The following EPS15 variants were observed in gnomAD, a reference collection of about 807,000 sequenced individuals.
EPS15 encodes the protein epidermal growth factor receptor pathway substrate 15.
EPS15 carries 72 observed loss-of-function variants against 113.8 expected under a neutral mutation model. That is an observed-to-expected ratio of 0.63 (90% CI 0.52 to 0.77). The LOEUF (loss-of-function observed/expected upper bound fraction) is 0.77. Among genes scored for constraint, EPS15 ranks in the 30% least tolerant of loss-of-function variants. The pLI, the probability that EPS15 is intolerant of heterozygous loss-of-function variation, is 0.00. For missense variants in EPS15, 1,048 were observed against 1,045.8 expected (o/e 1.00, Z -0.03); for synonymous variants, 344 against 363.4 (o/e 0.95, Z 0.61).
rs1652887021 is a variant in EPS15, at chr1:51,444,930, G to A, written c.913C>T (p.Pro305Ser). Residue 305 changes from proline (P) to serine (S), a missense_variant, in exon 11 of 25, where the codon CCT (proline) becomes TCT (serine). Pro to Ser is a moderately conservative substitution (Grantham distance 74). Transcript: ENST00000371733. Reference protein sequence around the residue: ...KGIDPPHVLTPEMIPPSDRAS... With the variant: ...KGIDPPHVLTSEMIPPSDRAS... ...CTGTCTGATGGTGGAATCATTTCAGGAGTAAGAACGTGAGGAGGATCAATG... is the reference window on the plus strand; with the variant it reads ...CTGTCTGATGGTGGAATCATTTCAGAAGTAAGAACGTGAGGAGGATCAATG... The A allele has an allele frequency of 1.9e-6, 3 of 1,613,936 alleles. No homozygotes were observed. In the South Asian group the frequency reaches 3.3e-5, roughly 18 times the overall value.
rs1164555195 is a variant in EPS15, at chr1:51,405,772, C to CTG, written c.1677+131_1677+132dup. 1.4e-5 allele frequency: 10 copies of CTG among 715,824 alleles called. No homozygotes were observed. The African/African-American group carries it at 1.6e-4, about 11-fold the overall frequency. 44.3% of individuals were successfully genotyped at this position (715,824 alleles called of 1,614,324 possible). A position where few individuals can be genotyped will look rare whatever the true frequency, so the allele number is the denominator to read the frequency against. ...GTACAATTGTTTGGATTAGGACTCT[C>CTG]TGCTTCTAAAAAGGAAATCTCAATT... On this transcript the variant is annotated intron_variant, in intron 16 of 24. Coordinates refer to ENST00000371733, the MANE Select transcript of EPS15 (RefSeq NM_001981.3).
rs368627509 is a variant in EPS15, at chr1:51,515,485, A to C, written c.33+3714T>G. 9.1e-4 allele frequency among the ~76,000 whole-genome samples: 138 copies of C among 151,954 alleles called. 1 individual carries two copies. In the East Asian group the frequency reaches 0.012, roughly 13 times the overall value. On this transcript the variant is annotated intron_variant, in intron 1 of 24. Coordinates refer to ENST00000371733, the MANE Select transcript of EPS15 (RefSeq NM_001981.3). Reference sequence around the variant, plus strand: ...TGATCCTGTCTCAAAACAAAACAAAAAAAAAAAAAAATTCTTGCTAAACTA... The same window carrying C: ...TGATCCTGTCTCAAAACAAAACAAACAAAAAAAAAAATTCTTGCTAAACTA...
intron 8 of EPS15, among the ~76,000 whole-genome samples, chr1:51,456,792 A>C (rs1229858748): frequency 6.6e-6 from 1 of 152,242 alleles, no homozygotes; most frequent in African/African-American, 2.4e-5. Context: ...AATTTTTAAA[A>C]AGAGTACAGA....
chr1:51,410,818 T>C (rs1557442471), intron 13 of EPS15, among the ~76,000 whole-genome samples: 3 of 152,244 alleles, frequency 2.0e-5, no homozygotes, highest in South Asian at 2.1e-4. Flanking sequence ...TTACACAAGA[T>C]AGCACCATTA....
At chr1:51,441,754 GA>G in intron 11 of EPS15, among the ~76,000 whole-genome samples, 1 of 152,234 alleles carries the variant, frequency 6.6e-6, no homozygotes, top group Middle Eastern at 3.4e-3. Flanking sequence ...TCTTAGAACT[GA>G]AGAAACAGAT....
intron 1 of EPS15, among the ~76,000 whole-genome samples, chr1:51,508,304 A>C (rs58622883): frequency 4.1e-5 from 5 of 122,590 alleles, no homozygotes; most frequent in Admixed American, 3.9e-4. Context: ...GAGAGAGAGA[A>C]AGAGAGAAAG....
At chr1:51,422,046 TAA>T (rs11330309) in intron 12 of EPS15, 188 bp from the exon 13 acceptor site, 13 of 1,177,570 alleles carry the variant, frequency 1.1e-5, no homozygotes, top group African/African-American at 6.3e-5. Flanking sequence ...GCTCCATTTG[TAA>T]AAAAAAAATT....
chr1:51,437,269 T>C (rs115991917), intron 12 of EPS15, among the ~76,000 whole-genome samples: 4,855 of 152,164 alleles, frequency 0.032, 127 homozygotes, highest in Non-Finnish European at 0.05. Context: ...GCTTTCAATA[T>C]TTCCATTGGT....
At chr1:51,474,482 A>T (rs2148514590) in intron 2 of EPS15, among the ~76,000 whole-genome samples, 1 of 152,326 alleles carries the variant, frequency 6.6e-6, no homozygotes, top group Middle Eastern at 3.4e-3. Context: ...GCAGACTTCT[A>T]ATCCGAGATT....
chr1:51,503,204 C>G (rs985545515), intron 1 of EPS15, among the ~76,000 whole-genome samples: 1 of 152,110 alleles, frequency 6.6e-6, no homozygotes, highest in Non-Finnish European at 1.5e-5. Flanking sequence ...TAAGATAATA[C>G]TCCCCAAACT....
Position 51,440,423 on chromosome 1 carries a change from CT to C in EPS15, c.963del (p.Ile321MetfsTer15). On this transcript the variant is annotated frameshift_variant, in exon 12 of 25. Transcript: ENST00000371733. LOFTEE classifies it high-confidence loss of function. Reference sequence around the variant, plus strand: ...GAGAAATCTGCAACAGGACTTGATCCTATGATGTTCTAAAAACAAAAAGTTC... The same window carrying C: ...GAGAAATCTGCAACAGGACTTGATCCATGATGTTCTAAAAACAAAAAGTTC... ...SDRASLQKNI[I>X]GSSPVADFSA... The C allele has an allele frequency of 6.4e-7, 1 of 1,555,050 alleles. No individual in the cohort carries two copies. The highest frequency in any genetic ancestry group is 8.8e-7 in the Non-Finnish European group (1 of 1,140,206).
intron 2 of EPS15, among the ~76,000 whole-genome samples, chr1:51,480,029 TAGA>T (rs1643991089): frequency 6.6e-6 from 1 of 152,194 alleles, no homozygotes; most frequent in African/African-American, 2.4e-5. Context: ...AGCCTTAAGA[TAGA>T]AGAACAAATG....
At chr1:51,469,945 A>C (rs1655122105) in intron 4 of EPS15, among the ~76,000 whole-genome samples, 1 of 151,822 alleles carries the variant, frequency 6.6e-6, no homozygotes, top group African/African-American at 2.4e-5. Context: ...CTCCTCCACC[A>C]AACAGCTTCA....
intron 1 of EPS15, among the ~76,000 whole-genome samples, chr1:51,482,372 T>C (rs1343605731): frequency 1.3e-5 from 2 of 151,958 alleles, no homozygotes; most frequent in Non-Finnish European, 2.9e-5. Flanking sequence ...GAAAACTCAG[T>C]TATGTCTAAA....
intron 13 of EPS15, among the ~76,000 whole-genome samples, chr1:51,419,684 C>T (rs1483630283): frequency 2.0e-5 from 3 of 152,042 alleles, no homozygotes; most frequent in Non-Finnish European, 4.4e-5. Context: ...AGTGAGTTGC[C>T]TTTTGCCAGG....
intron 12 of EPS15, among the ~76,000 whole-genome samples, chr1:51,432,338 G>GTATC (rs1651803284): frequency 1.4e-5 from 2 of 144,326 alleles, no homozygotes; most frequent in Non-Finnish European, 3.0e-5. Flanking sequence ...ATGTATGTAT[G>GTATC]TATGTATGTA....
At position 51,356,559 on chromosome 1, in the gene EPS15, AT is replaced by A; in HGVS notation, c.*140del. ...AATCTGTAATGAAGAAAAAAAAAAA[AT>A]CCTAAAATTTTGTCACATTTACAGG... On this transcript the variant is annotated 3_prime_UTR_variant, in exon 25 of 25. Coordinates refer to ENST00000371733, the MANE Select transcript of EPS15 (RefSeq NM_001981.3). 4 of 674,690 alleles carry A rather than the reference AT, an allele frequency of 5.9e-6. No homozygotes were observed. Among genetic ancestry groups the A allele is most frequent in the South Asian group, 2.8e-5 (1 of 36,196 alleles). The allele number at this position is 674,690 out of a possible 1,614,324, so 41.8% of individuals were successfully genotyped here.
intron 8 of EPS15, chr1:51,458,534 C>T (rs1407900009): frequency 1.1e-5 from 5 of 444,764 alleles, no homozygotes; most frequent in Admixed American, 2.4e-5. Flanking sequence ...ATCAGGAGCT[C>T]GAGACCAGTC....
At chr1:51,361,792 T>C (rs1570076272) in intron 23 of EPS15, among the ~76,000 whole-genome samples, 1 of 152,210 alleles carries the variant, frequency 6.6e-6, no homozygotes, top group Non-Finnish European at 1.5e-5. Flanking sequence ...TAAGAGCAAA[T>C]GACCTCTGAA....
Sources: gnomAD v4.1 joint callset for allele counts (sites outside exome capture counted in the v4.1 genomes callset) on GRCh38, gnomAD v4.1.1 for gene constraint, MANE v1.5 for transcripts, NCBI Gene and HGNC (gene_info 2026-07-23, HGNC 2026-07-21) for gene names.